The following FBXW7 variants were observed in gnomAD, a reference collection of about 807,000 sequenced individuals.
FBXW7 encodes the protein F-box/WD repeat-containing protein 7.
A neutral mutation model predicts 86.3 loss-of-function variants in FBXW7; 11 were observed. The observed-to-expected ratio is 0.13, with a 90% CI of 0.08 to 0.21. The LOEUF (loss-of-function observed/expected upper bound fraction) is 0.21, where lower values mean the gene tolerates loss of function less well. Ranked by LOEUF, FBXW7 falls within the 10% of genes least tolerant of loss-of-function variation. The pLI is 1.00. For synonymous variants in FBXW7, 313 were observed against 297.9 expected, an observed-to-expected ratio of 1.05 and a Z score of -0.52; for missense variants, 488 against 847.4, an observed-to-expected ratio of 0.58 and a Z score of 5.27.
intron 4 of FBXW7, among the ~76,000 whole-genome samples, chr4:152,374,806 G>A (rs185718487): frequency 4.8e-4 from 73 of 151,956 alleles, no homozygotes; most frequent in Admixed American, 3.4e-3. Context: ...AGAGAGGTAA[G>A]CTGGACCATG....
At chr4:152,330,922 C>A (rs1560765920) in intron 8 of FBXW7, 54 bp from the exon 9 acceptor site, 1 of 1,550,428 alleles carries the variant, frequency 6.4e-7, no homozygotes, top group Non-Finnish European at 8.8e-7. Flanking sequence ...AACAGTTATA[C>A]ATTTTATAAA....
At chr4:152,329,527 A>G (rs1433733915) in intron 10 of FBXW7, 145 bp downstream of exon 10, 1 of 435,700 alleles carries the variant, frequency 2.3e-6, no homozygotes, top group Non-Finnish European at 4.1e-6. Flanking sequence ...AAATATGGGG[A>G]AAAAAGCTAA....
intron 2 of FBXW7, among the ~76,000 whole-genome samples, chr4:152,418,766 C>T (rs1388683229): frequency 6.6e-6 from 1 of 152,016 alleles, no homozygotes; most frequent in Non-Finnish European, 1.5e-5. Flanking sequence ...TATGAACAAT[C>T]TTTTTTTATT....
At chr4:152,512,952 C>G (rs1748119799) in intron 2 of FBXW7, among the ~76,000 whole-genome samples, 2 of 152,168 alleles carry the variant, frequency 1.3e-5, no homozygotes, top group African/African-American at 4.8e-5. Flanking sequence ...ACCTCCACCT[C>G]CCAGGTTCCA....
At position 152,373,025 on chromosome 4, in the gene FBXW7, A is replaced by T. The variant is rs556166941; in HGVS notation, c.502-22901T>A. 2.0e-5 allele frequency among the ~76,000 whole-genome samples: 3 copies of T among 152,108 alleles called. No homozygotes were observed. The South Asian group carries it at 6.2e-4, about 31-fold the overall frequency. ...TGGGAAAGGTGAGAATTACACATTT[A>T]AAATTCCAAGATTATATGGCAAAAG... is the stretch of plus-strand genomic sequence containing the variant. On this transcript the variant is annotated intron_variant, in intron 4 of 13. Coordinates refer to ENST00000281708, the MANE Select transcript of FBXW7 (RefSeq NM_001349798.2).
At position 152,532,876 on chromosome 4, in the gene FBXW7, G is replaced by A. The variant is rs574710394; in HGVS notation, c.-120+2065C>T. ...AAAACTTTGTCATTTCTACCCAAACGTGCAATAAAACATTACCATAATTTT... is the reference window on the plus strand; with the variant it reads ...AAAACTTTGTCATTTCTACCCAAACATGCAATAAAACATTACCATAATTTT... On this transcript the variant is annotated intron_variant, in intron 2 of 13. Coordinates refer to ENST00000281708, the MANE Select transcript of FBXW7 (RefSeq NM_001349798.2). 7.2e-5 allele frequency among the ~76,000 whole-genome samples: 11 copies of A among 152,160 alleles called. No individual in the cohort carries two copies. In the Middle Eastern group the frequency reaches 0.01, roughly 141 times the overall value.
At chr4:152,462,045 A>G (rs78989168) in intron 2 of FBXW7, among the ~76,000 whole-genome samples, 2,084 of 152,298 alleles carry the variant, frequency 0.014, 26 homozygotes, top group Middle Eastern at 0.037. Context: ...TGTCTCCCTT[A>G]TAGTAAGCAA....
At chr4:152,445,555 T>C (rs1741293758) in intron 2 of FBXW7, among the ~76,000 whole-genome samples, 1 of 152,182 alleles carries the variant, frequency 6.6e-6, no homozygotes, top group Non-Finnish European at 1.5e-5. Flanking sequence ...GCTTCAGTTC[T>C]CTCATCTTTA....
chr4:152,529,959 G>A (rs1233579593), intron 2 of FBXW7, among the ~76,000 whole-genome samples: 2 of 151,704 alleles, frequency 1.3e-5, no homozygotes, highest in African/African-American at 4.8e-5. Context: ...GAGAGGCTGA[G>A]GTAGGAGGAT....
At chr4:152,436,757 C>T (rs1285341426) in intron 2 of FBXW7, among the ~76,000 whole-genome samples, 2 of 152,208 alleles carry the variant, frequency 1.3e-5, no homozygotes, top group African/African-American at 4.8e-5. Context: ...GCTAAATATA[C>T]TCTCCCTGTG....
At chr4:152,390,854 G>GT (rs141001520) in intron 4 of FBXW7, among the ~76,000 whole-genome samples, 2,163 of 151,838 alleles carry the variant, frequency 0.014, 27 homozygotes, top group Middle Eastern at 0.037. Flanking sequence ...GTAATTGTGT[G>GT]TTTTTTTGCT....
Position 152,347,054 on chromosome 4 carries a change from G to T in FBXW7, c.602C>A (p.Pro201Gln), listed in dbSNP as rs1268296868. ...SEYTSTTGLV[P>Q]CSATPTTFGD... ...AAAAGTTGTTGGTGTTGCTGAACATGGTACAAGCCCAGTGGTACTACAAAA... is the reference window on the plus strand; with the variant it reads ...AAAAGTTGTTGGTGTTGCTGAACATTGTACAAGCCCAGTGGTACTACAAAA... The change falls in exon 6 of 14, where the codon CCA becomes CAA. Residue 201 changes from proline to glutamine, a missense_variant. Coordinates refer to ENST00000281708, the MANE Select transcript of FBXW7 (RefSeq NM_001349798.2). 3 of 1,610,120 alleles carry T rather than the reference G, an allele frequency of 1.9e-6. No individual in the cohort carries two copies. In the Admixed American group the frequency reaches 5.0e-5, roughly 27 times the overall value.
chr4:152,524,368 CA>C (rs1392855209), intron 2 of FBXW7, among the ~76,000 whole-genome samples: 2 of 152,126 alleles, frequency 1.3e-5, no homozygotes, highest in Admixed American at 6.6e-5. Flanking sequence ...GAAAAAACAA[CA>C]GAACAAAAAA....
At position 152,321,871 on chromosome 4, in the gene FBXW7, A is replaced by C. The variant is rs1728586990; in HGVS notation, c.*1010T>G. The C allele has an allele frequency of 4.3e-6, 1 of 232,450 alleles. No individual in the cohort carries two copies. Among genetic ancestry groups the C allele is most frequent in the Non-Finnish European group, 8.5e-6 (1 of 117,426 alleles). 14.4% of individuals were successfully genotyped at this position (232,450 alleles called of 1,614,324 possible). On this transcript the variant is annotated 3_prime_UTR_variant, in exon 14 of 14. Coordinates refer to ENST00000281708, the MANE Select transcript of FBXW7 (RefSeq NM_001349798.2). ...ATAAAAGAAAATAAGCTTTGCACAC[A>C]CTCTCAATTCTTTACTTGCAGGCAA...
intron 2 of FBXW7, among the ~76,000 whole-genome samples, chr4:152,428,383 C>A (rs1362118376): frequency 1.3e-5 from 2 of 152,160 alleles, no homozygotes; most frequent in Non-Finnish European, 1.5e-5. Flanking sequence ...TTTATACTTA[C>A]AAAATTTTTT....
intron 6 of FBXW7, among the ~76,000 whole-genome samples, chr4:152,338,736 G>C (rs1730415152): frequency 1.3e-5 from 2 of 152,082 alleles, no homozygotes; most frequent in South Asian, 4.1e-4. Context: ...AATGCCATGT[G>C]AATAATTCAA....
At chr4:152,465,621 G>A (rs1013008474) in intron 2 of FBXW7, among the ~76,000 whole-genome samples, 2 of 152,048 alleles carry the variant, frequency 1.3e-5, no homozygotes, top group African/African-American at 4.8e-5. Flanking sequence ...AAAGTGGGTG[G>A]ATACCTGAGG....
intron 2 of FBXW7, among the ~76,000 whole-genome samples, chr4:152,429,177 C>A (rs1031378057): frequency 6.6e-6 from 1 of 151,918 alleles, no homozygotes; most frequent in African/African-American, 2.4e-5. Context: ...GCAACAAGAG[C>A]GAAACTCCAT....
At chr4:152,324,741 T>C (rs565803451) in intron 12 of FBXW7, 19 of 213,332 alleles carry the variant, frequency 8.9e-5, no homozygotes, top group South Asian at 2.3e-4. Context: ...ACTGAGAGAA[T>C]TGCTATGAGT....
Sources: allele counts gnomAD v4.1 joint callset (sites outside exome capture counted in the v4.1 genomes callset), GRCh38; gene constraint gnomAD v4.1.1; transcripts MANE v1.5; gene names NCBI Gene and HGNC (gene_info 2026-07-23, HGNC 2026-07-21).